The following PIEZO2 variants were observed in gnomAD, a reference collection of about 807,000 sequenced individuals.
The protein encoded by PIEZO2 is piezo-type mechanosensitive ion channel component 2.
In PIEZO2, 172 loss-of-function variants were observed where a neutral mutation model predicts 337.3. The ratio of observed to expected loss-of-function variants is 0.51; its 90% CI spans 0.45 to 0.58. The LOEUF (loss-of-function observed/expected upper bound fraction) is 0.58. PIEZO2 is among the 20% of genes least tolerant of loss of function. The pLI is 0.00. For synonymous variants in PIEZO2, 1,251 were observed against 1,228.5 expected, an observed-to-expected ratio of 1.02 and a Z score of -0.38; for missense variants, 3,028 against 3,391.3, an observed-to-expected ratio of 0.89 and a Z score of 2.66.
At chr18:10,891,016 G>A (rs550857507) in intron 4 of PIEZO2, among the ~76,000 whole-genome samples, 6 of 152,208 alleles carry the variant, frequency 3.9e-5, no homozygotes, top group African/African-American at 1.2e-4. Flanking sequence ...TTGAAATCAC[G>A]TGTTGTACCA....
rs1167129724 is a variant in PIEZO2 at position 11,125,894 on chromosome 18, C to T, written c.64+22631G>A. Among the ~76,000 whole-genome samples, 2 of 152,210 alleles carry T rather than the reference C, an allele frequency of 1.3e-5. No individual in the cohort carries two copies. The highest frequency in any genetic ancestry group is 2.9e-5 in the Non-Finnish European group (2 of 68,036). On this transcript the variant is annotated intron_variant, in intron 1 of 55. Transcript: ENST00000674853. This position sits in a 1 kb window ranked among gnomAD's most constrained non-coding sequence, Gnocchi z 4.4. ...ATACACAGTCATTCACACCTGCTAACTTGAGGGCTGCCAGGGCAGCTCTAG... is the reference window on the plus strand; with the variant it reads ...ATACACAGTCATTCACACCTGCTAATTTGAGGGCTGCCAGGGCAGCTCTAG...
In PIEZO2 at chr18:10,872,577, C is replaced by T. The variant is rs561804735; in HGVS notation, c.330-1162G>A. Among the ~76,000 whole-genome samples, 3 of 151,820 alleles carry T rather than the reference C, an allele frequency of 2.0e-5. No individual in the cohort carries two copies. The highest frequency in any genetic ancestry group is 2.1e-4 in the South Asian group (1 of 4,812). ...CAGACTTCTCACACCATTCAGCACA[C>T]GACACGGGCCAGCCATGTCCCTCAT... On this transcript the variant is annotated intron_variant, in intron 4 of 55. Transcript: ENST00000674853. This position sits in a 1 kb window ranked among gnomAD's most constrained non-coding sequence, Gnocchi z 4.3.
In PIEZO2 at chr18:10,943,558, C is replaced by T. The variant is rs1215099152; in HGVS notation, c.287-32330G>A. Among the ~76,000 whole-genome samples, 1 of 152,236 alleles carries T rather than the reference C, an allele frequency of 6.6e-6. No homozygotes were observed. Among genetic ancestry groups the T allele is most frequent in the Admixed American group, 6.5e-5 (1 of 15,288 alleles). ...TTTATTTGCCCAATGCCTTTACCCC[C>T]ATTGTATACAGGAAGTAACTAACTT... On this transcript the variant is annotated intron_variant, in intron 3 of 55. Coordinates refer to ENST00000674853, the MANE Select transcript of PIEZO2 (RefSeq NM_001378183.1). This position sits in a 1 kb window ranked among gnomAD's most constrained non-coding sequence, Gnocchi z 4.5.
At chr18:10,915,995 A>T (rs1304459686) in intron 3 of PIEZO2, among the ~76,000 whole-genome samples, 2 of 150,384 alleles carry the variant, frequency 1.3e-5, no homozygotes, top group African/African-American at 4.9e-5. Context: ...GTGCATTTTC[A>T]AACCTTGAGC....
At chr18:11,056,084 C>G (rs2037724251) in intron 2 of PIEZO2, among the ~76,000 whole-genome samples, 1 of 152,168 alleles carries the variant, frequency 6.6e-6, no homozygotes, top group Non-Finnish European at 1.5e-5. Flanking sequence ...CACAGAGAGA[C>G]AGATCAGATT....
At chr18:10,805,077 T>G (rs1337363890) in intron 8 of PIEZO2, among the ~76,000 whole-genome samples, 1 of 152,222 alleles carries the variant, frequency 6.6e-6, no homozygotes, top group Non-Finnish European at 1.5e-5. Flanking sequence ...GAATATCGCA[T>G]GGACCCAAAG....
intron 21 of PIEZO2, 26 bp from the exon 22 acceptor site, chr18:10,763,124 G>A (rs1226191592): frequency 2.0e-6 from 3 of 1,531,744 alleles, no homozygotes; most frequent in African/African-American, 1.4e-5. Context: ...CAGAAATGGG[G>A]ACAAAAATAC....
At chr18:10,992,386 C>T (rs781225681) in intron 2 of PIEZO2, among the ~76,000 whole-genome samples, 2 of 152,158 alleles carry the variant, frequency 1.3e-5, no homozygotes, top group Non-Finnish European at 2.9e-5. Flanking sequence ...AGTGCTTAAT[C>T]CATCTTGAGT....
Position 10,795,316 on chromosome 18 carries a change from ATTTTATTTTATTT to A in PIEZO2, c.1528-327_1528-315del, listed in dbSNP as rs1159879675. On this transcript the variant is annotated intron_variant, in intron 12 of 55. Coordinates refer to ENST00000674853, the MANE Select transcript of PIEZO2 (RefSeq NM_001378183.1). This position sits in a 1 kb window ranked among gnomAD's most constrained non-coding sequence, Gnocchi z 4.4. ...TAAGTAGCAAAATGTGTATTCAAAT[ATTTTATTTTATTT>A]TATTTTATTTTATTTTATTTTATTA... Among the ~76,000 whole-genome samples, 2 of 91,128 alleles carry A rather than the reference ATTTTATTTTATTT, an allele frequency of 2.2e-5. No individual in the cohort carries two copies. Among genetic ancestry groups the A allele is most frequent in the Non-Finnish European group, 4.1e-5 (2 of 48,544 alleles). The allele number at this position is 91,128 out of a possible 152,430, so 59.8% of individuals were successfully genotyped here. A position where few individuals can be genotyped will look rare whatever the true frequency, so the allele number is the denominator to read the frequency against.
At chr18:10,684,206 C>T (rs377385581) in intron 49 of PIEZO2, among the ~76,000 whole-genome samples, 5 of 116,398 alleles carry the variant, frequency 4.3e-5, no homozygotes, top group South Asian at 3.1e-4. Flanking sequence ...TGCTCTGTCG[C>T]CCAGGCTGGA....
At chr18:11,017,855 C>G (rs2036172228) in intron 2 of PIEZO2, among the ~76,000 whole-genome samples, 1 of 152,142 alleles carries the variant, frequency 6.6e-6, no homozygotes, top group Non-Finnish European at 1.5e-5. Flanking sequence ...TGGCTTAAAA[C>G]AACAGAAATG....
intron 2 of PIEZO2, among the ~76,000 whole-genome samples, chr18:11,061,637 G>T (rs2037962776): frequency 6.6e-6 from 1 of 151,818 alleles, no homozygotes; most frequent in African/African-American, 2.4e-5. Flanking sequence ...GCCAAATCAT[G>T]AGTGAACTCC....
At chr18:10,995,760 G>A (rs1225902609) in intron 2 of PIEZO2, among the ~76,000 whole-genome samples, 3 of 152,110 alleles carry the variant, frequency 2.0e-5, no homozygotes, top group Non-Finnish European at 4.4e-5. Flanking sequence ...GTTCACCCCT[G>A]CCCTCCAGGG....
At chr18:11,068,212 AC>A (rs1199171189) in intron 1 of PIEZO2, among the ~76,000 whole-genome samples, 1 of 152,114 alleles carries the variant, frequency 6.6e-6, no homozygotes, top group Non-Finnish European at 1.5e-5. Context: ...GAGCCACCGC[AC>A]CCGGCAGAAT....
Position 10,726,830 on chromosome 18 carries a change from G to A in PIEZO2, c.5029+4577C>T. The A allele has an allele frequency of 1.3e-6, 2 of 1,577,554 alleles. No individual in the cohort carries two copies. The highest frequency in any genetic ancestry group is 1.7e-6 in the Non-Finnish European group (2 of 1,150,826). On this transcript the variant is annotated intron_variant, in intron 36 of 55. Transcript: ENST00000674853. The surrounding 1 kb of genome is among the most constrained non-coding windows in gnomAD (Gnocchi z 5.9). ...CCCCATGGGGTGCTGGATAATACCC[G>A]GATGCCCCACCTTATGCAGGACTTG...
intron 2 of PIEZO2, among the ~76,000 whole-genome samples, chr18:10,992,814 T>C (rs1056150418): frequency 1.6e-4 from 25 of 152,314 alleles, no homozygotes; most frequent in Admixed American, 1.1e-3. Flanking sequence ...ATAAATTACT[T>C]TGGGCAGTAT....
chr18:10,801,994 G>A (rs1219693494), intron 9 of PIEZO2, among the ~76,000 whole-genome samples: 1 of 150,258 alleles, frequency 6.7e-6, no homozygotes, highest in African/African-American at 2.4e-5. Context: ...GCTGAGGCAG[G>A]AGAATGGCGT....
At position 10,969,782 on chromosome 18, in the gene PIEZO2, G is replaced by A. The variant is rs766589057; in HGVS notation, c.286+9753C>T. Among the ~76,000 whole-genome samples the A allele has an allele frequency of 6.6e-6, 1 of 152,004 alleles. No homozygotes were observed. Among genetic ancestry groups the A allele is most frequent in the Non-Finnish European group, 1.5e-5 (1 of 68,006 alleles). ...AGAGCTCCTGGCCAAGAGAGGGCAT[G>A]GGTGCACTTAGCCGCTCTCCTCAAT... is the stretch of plus-strand genomic sequence containing the variant. On this transcript the variant is annotated intron_variant, in intron 3 of 55. Coordinates refer to ENST00000674853, the MANE Select transcript of PIEZO2 (RefSeq NM_001378183.1). The surrounding 1 kb of genome is among the most constrained non-coding windows in gnomAD (Gnocchi z 4.5).
At chr18:11,057,264 T>C (rs376432171) in intron 2 of PIEZO2, among the ~76,000 whole-genome samples, 1 of 152,184 alleles carries the variant, frequency 6.6e-6, no homozygotes, top group Non-Finnish European at 1.5e-5. Flanking sequence ...TCCTAAATCT[T>C]CCATCCCCTT....
Sources: allele counts gnomAD v4.1 joint callset (sites outside exome capture counted in the v4.1 genomes callset), GRCh38; gene constraint gnomAD v4.1.1; non-coding constraint Gnocchi (gnomAD v3.1); transcripts MANE v1.5; gene names NCBI Gene and HGNC (gene_info 2026-07-23, HGNC 2026-07-21).